The following WASF3 variants were observed in gnomAD, a reference collection of about 807,000 sequenced individuals.
WASF3 encodes the protein WASP family member 3, also known as actin-binding protein WASF3.
In WASF3, 11 loss-of-function variants were observed where a neutral mutation model predicts 46.6. That is an observed-to-expected ratio of 0.24 (90% CI 0.15 to 0.39). The LOEUF (loss-of-function observed/expected upper bound fraction) is 0.39. Ranked by LOEUF, WASF3 falls within the 10% of genes least tolerant of loss-of-function variation. The pLI is 1.00. For missense variants in WASF3, 576 were observed against 669.8 expected (o/e 0.86, Z 1.55); for synonymous variants, 242 against 259.7 (o/e 0.93, Z 0.65).
chr13:26,617,718 C>T (rs1282506183), intron 2 of WASF3, among the ~76,000 whole-genome samples: 2 of 152,164 alleles, frequency 1.3e-5, no homozygotes, highest in Non-Finnish European at 2.9e-5. Context: ...GTGCATGGCA[C>T]ATTCTATAAG....
At chr13:26,657,041 G>A (rs1332634781) in intron 3 of WASF3, among the ~76,000 whole-genome samples, 1 of 152,316 alleles carries the variant, frequency 6.6e-6, no homozygotes. Flanking sequence ...TACAATCACT[G>A]CTGGTCTTGT....
At position 26,682,543 on chromosome 13, in the gene WASF3, A is replaced by G; in HGVS notation, c.984-64A>G. The stretch of plus-strand genomic sequence containing the variant: ...TGGGGATGGCTCCGTTAGGTGTCTA[A>G]GAGCTCCCAGGACGTGACCCTCTCT... On this transcript the variant is annotated intron_variant, in intron 8 of 9. Transcript: ENST00000335327. This position sits in a 1 kb window ranked among gnomAD's most constrained non-coding sequence, Gnocchi z 4.4. 5.6e-6 allele frequency: 9 copies of G among 1,602,670 alleles called. No individual in the cohort carries two copies. Among genetic ancestry groups the G allele is most frequent in the Non-Finnish European group, 6.8e-6 (8 of 1,174,506 alleles).
chr13:26,643,357 A>G (rs946689233), intron 3 of WASF3, among the ~76,000 whole-genome samples: 5 of 152,052 alleles, frequency 3.3e-5, no homozygotes, highest in Non-Finnish European at 4.4e-5. Flanking sequence ...TTTTAACTCA[A>G]CTACTTTTAT....
At chr13:26,675,219 T>C (rs1294424200) in intron 6 of WASF3, among the ~76,000 whole-genome samples, 1 of 152,154 alleles carries the variant, frequency 6.6e-6, no homozygotes, top group Non-Finnish European at 1.5e-5. Flanking sequence ...CTTTAATGGG[T>C]TCGCATTGCT....
At chr13:26,670,080 G>A (rs7318274) in intron 5 of WASF3, among the ~76,000 whole-genome samples, 3,030 of 152,078 alleles carry the variant, frequency 0.02, 104 homozygotes, top group African/African-American at 0.069. Flanking sequence ...AGCACTATTC[G>A]CAATAGCAAA....
intron 2 of WASF3, among the ~76,000 whole-genome samples, chr13:26,635,448 G>A (rs774372666): frequency 5.3e-5 from 8 of 152,102 alleles, no homozygotes; most frequent in South Asian, 2.1e-4. Flanking sequence ...CCTTTAGCTC[G>A]GAGAAGTTTG....
upstream of WASF3, among the ~76,000 whole-genome samples, chr13:26,555,457 C>T (rs1420373045): frequency 2.0e-5 from 3 of 152,112 alleles, no homozygotes; most frequent in Non-Finnish European, 4.4e-5. Flanking sequence ...CTTAGCATTT[C>T]AGACTCCTTT....
intron 1 of WASF3, among the ~76,000 whole-genome samples, chr13:26,586,099 T>C (rs908338023): frequency 1.3e-5 from 2 of 152,230 alleles, no homozygotes; most frequent in Admixed American, 6.5e-5. Context: ...TCATTTGATA[T>C]ATAATCTTGA....
At chr13:26,643,180 T>C (rs1434861947) in intron 3 of WASF3, among the ~76,000 whole-genome samples, 2 of 152,222 alleles carry the variant, frequency 1.3e-5, no homozygotes, top group East Asian at 3.8e-4. Context: ...ATTTATTTTC[T>C]GATCTTGTTT....
chr13:26,558,932 A>T (rs1879193222), intron 1 of WASF3, among the ~76,000 whole-genome samples: 1 of 152,098 alleles, frequency 6.6e-6, no homozygotes, highest in African/African-American at 2.4e-5. Context: ...TTAAAATGCG[A>T]CTCTATCAAA....
intron 1 of WASF3, among the ~76,000 whole-genome samples, chr13:26,572,839 C>A (rs1031150179): frequency 5.3e-5 from 8 of 152,172 alleles, no homozygotes; most frequent in African/African-American, 1.9e-4. Context: ...AGGCGGGAGC[C>A]ACCGCGCCTG....
At chr13:26,591,564 G>A (rs888631570) in intron 1 of WASF3, among the ~76,000 whole-genome samples, 10 of 152,122 alleles carry the variant, frequency 6.6e-5, no homozygotes, top group African/African-American at 2.4e-4. Flanking sequence ...AACTGAGAGG[G>A]GGAGACTACG....
At chr13:26,557,419 C>T (rs934299221), upstream of WASF3, among the ~76,000 whole-genome samples, 1 of 152,178 alleles carries the variant, frequency 6.6e-6, no homozygotes, top group African/African-American at 2.4e-5. Flanking sequence ...CCCGAAGTAT[C>T]CCCACCTCTC....
chr13:26,659,838 G>T (rs1241276552), intron 3 of WASF3, among the ~76,000 whole-genome samples: 1 of 152,156 alleles, frequency 6.6e-6, no homozygotes, highest in African/African-American at 2.4e-5. Flanking sequence ...TCCAAGAGGG[G>T]AAGATGGGAG....
intron 1 of WASF3, among the ~76,000 whole-genome samples, chr13:26,573,734 A>G (rs1368534838): frequency 6.6e-6 from 1 of 152,210 alleles, no homozygotes; most frequent in Non-Finnish European, 1.5e-5. Flanking sequence ...CATCAGAAGT[A>G]TAGTTGAATT....
chr13:26,553,631 C>T (rs1363100732), upstream of WASF3, among the ~76,000 whole-genome samples: 1 of 151,944 alleles, frequency 6.6e-6, no homozygotes, highest in Admixed American at 6.6e-5. Context: ...TCCTGGCTAA[C>T]ACAGTGAAAC....
rs1319406355 is a variant in WASF3 at position 26,682,485 on chromosome 13, GA to G, written c.984-121del. ...GGTGTGCATGTTTGCATCCTGCCAT[GA>G]TTGAAGTTCAGGTGACAATACGTGT... On this transcript the variant is annotated intron_variant, in intron 8 of 9. Transcript: ENST00000335327. The surrounding 1 kb of genome is among the most constrained non-coding windows in gnomAD (Gnocchi z 4.4). 30 of 1,163,610 alleles carry G rather than the reference GA, an allele frequency of 2.6e-5. No homozygotes were observed. The highest frequency in any genetic ancestry group is 3.4e-5 in the Non-Finnish European group (27 of 802,388). 72.1% of individuals were successfully genotyped at this position (1,163,610 alleles called of 1,614,324 possible). A position where few individuals can be genotyped will look rare whatever the true frequency, so the allele number is the denominator to read the frequency against.
At chr13:26,631,249 G>A (rs1265574195) in intron 2 of WASF3, among the ~76,000 whole-genome samples, 1 of 152,146 alleles carries the variant, frequency 6.6e-6, no homozygotes, top group African/African-American at 2.4e-5. Flanking sequence ...CCTTGCCCAT[G>A]CCTATGTCCT....
At chr13:26,616,945 G>A (rs1326960728) in intron 2 of WASF3, among the ~76,000 whole-genome samples, 1 of 152,124 alleles carries the variant, frequency 6.6e-6, no homozygotes, top group Non-Finnish European at 1.5e-5. Flanking sequence ...GAAAATGCTG[G>A]CGACAATTCA....
Sources: gnomAD v4.1 joint callset for allele counts (sites outside exome capture counted in the v4.1 genomes callset) on GRCh38, gnomAD v4.1.1 for gene constraint, Gnocchi (gnomAD v3.1) non-coding constraint, MANE v1.5 for transcripts, NCBI Gene and HGNC (gene_info 2026-07-23, HGNC 2026-07-21) for gene names.